PCDH7: variants seen among roughly 807,000 people sequenced by gnomAD.
PCDH7 encodes protocadherin 7.
PCDH7 carries 17 observed loss-of-function variants against 58.9 expected under a neutral mutation model. The observed-to-expected ratio is 0.29, with a 90% confidence interval of 0.20 to 0.43. The LOEUF is 0.43. Among genes scored for constraint, PCDH7 ranks in the 20% least tolerant of loss-of-function variants. The probability of loss-of-function intolerance (pLI) is 1.00; values close to 1 mark genes in which losing one functional copy is unlikely to be tolerated. For missense variants in PCDH7, 1,274 were observed against 1,441.0 expected (o/e 0.88, Z 1.88); for synonymous variants, 664 against 616.4 (o/e 1.08, Z -1.14).
At chr4:30,912,207 A>G (rs1220914237) in intron 1 of PCDH7, among the ~76,000 whole-genome samples, 2 of 152,168 alleles carry the variant, frequency 1.3e-5, no homozygotes, top group African/African-American at 4.8e-5. Flanking sequence ...ACACCCCTAA[A>G]AAGTTTAAAG....
intron 2 of PCDH7, among the ~76,000 whole-genome samples, chr4:30,934,315 G>T (rs1745060738): frequency 6.6e-6 from 1 of 152,128 alleles, no homozygotes; most frequent in Admixed American, 6.6e-5. Context: ...AGAGATCCCT[G>T]TGTGTGTGTT....
At chr4:30,835,682 A>G (rs1015049833) in intron 1 of PCDH7, among the ~76,000 whole-genome samples, 3 of 152,054 alleles carry the variant, frequency 2.0e-5, no homozygotes, top group Admixed American at 6.5e-5. Context: ...TCAGTTGAAA[A>G]CATGTAACTT....
chr4:30,943,699 A>G (rs996502831), intron 2 of PCDH7, among the ~76,000 whole-genome samples: 1 of 151,948 alleles, frequency 6.6e-6, no homozygotes, highest in Non-Finnish European at 1.5e-5. Flanking sequence ...AACTTTCTTA[A>G]AACATTATGA....
At chr4:31,066,329 AT>A (rs1460807701) in intron 3 of PCDH7, among the ~76,000 whole-genome samples, 1 of 151,972 alleles carries the variant, frequency 6.6e-6, no homozygotes, top group African/African-American at 2.4e-5. Flanking sequence ...GAGTCTTATA[AT>A]GTAATAATAA....
intron 1 of PCDH7, among the ~76,000 whole-genome samples, chr4:30,749,388 T>G (rs1487325988): frequency 3.9e-5 from 6 of 152,194 alleles, no homozygotes; most frequent in Admixed American, 2.6e-4. Flanking sequence ...AGTTTTTTTC[T>G]TCGTCATGGT....
intron 3 of PCDH7, among the ~76,000 whole-genome samples, chr4:30,962,738 C>T (rs1331580032): frequency 2.9e-5 from 4 of 137,276 alleles, no homozygotes; most frequent in East Asian, 2.2e-4. Context: ...GCCATGATCA[C>T]GCCACTGCAG....
At position 31,088,035 on chromosome 4, in the gene PCDH7, G is replaced by A. The variant is rs141144872; in HGVS notation, c.*8-54438G>A. Among the ~76,000 whole-genome samples the A allele has an allele frequency of 2.6e-5, 4 of 152,136 alleles. No homozygotes were observed. The East Asian group carries it at 5.8e-4, about 22-fold the overall frequency. ...GGAAACTAAGGCAGGTATTTTAGGTGTAATGCCAAAAATCACTCAGTTAGT... is the reference window on the plus strand; with the variant it reads ...GGAAACTAAGGCAGGTATTTTAGGTATAATGCCAAAAATCACTCAGTTAGT... On this transcript the variant is annotated intron_variant, in intron 3 of 3. Coordinates refer to the PCDH7 transcript ENST00000509759.
intron 3 of PCDH7, among the ~76,000 whole-genome samples, chr4:31,132,009 T>C (rs552291043): frequency 8.9e-4 from 136 of 152,324 alleles, no homozygotes; most frequent in African/African-American, 3.2e-3. Context: ...TGATTCATTT[T>C]AGATTTTCAC....
intron 1 of PCDH7, among the ~76,000 whole-genome samples, chr4:30,816,871 A>T (rs1181767604): frequency 6.6e-6 from 1 of 152,096 alleles, no homozygotes; most frequent in African/African-American, 2.4e-5. Context: ...TTTGGTCTTG[A>T]TATTAAAGGC....
chr4:30,869,365 A>G (rs976091526), intron 1 of PCDH7, among the ~76,000 whole-genome samples: 2 of 152,110 alleles, frequency 1.3e-5, no homozygotes, highest in Non-Finnish European at 2.9e-5. Flanking sequence ...TACACGTGCC[A>G]TGGTGGTTTG....
chr4:31,130,769 C>T (rs1000524297), intron 3 of PCDH7, among the ~76,000 whole-genome samples: 1 of 152,160 alleles, frequency 6.6e-6, no homozygotes, highest in African/African-American at 2.4e-5. Flanking sequence ...ATGACAAGTG[C>T]AGTCTTTCTC....
intron 2 of PCDH7, among the ~76,000 whole-genome samples, chr4:30,927,344 G>C (rs922415490): frequency 1.3e-5 from 2 of 152,008 alleles, no homozygotes; most frequent in Admixed American, 1.3e-4. Flanking sequence ...CCACCACCCC[G>C]TCTGGGAGGT....
intron 1 of PCDH7, among the ~76,000 whole-genome samples, chr4:30,730,557 A>G (rs1011914595): frequency 1.3e-5 from 2 of 152,208 alleles, no homozygotes; most frequent in African/African-American, 2.4e-5. Context: ...TAAAGCTCCC[A>G]GGTAGGATTC....
intron 3 of PCDH7, among the ~76,000 whole-genome samples, chr4:31,058,857 T>C (rs1404545993): frequency 6.6e-6 from 1 of 151,898 alleles, no homozygotes; most frequent in Non-Finnish European, 1.5e-5. Flanking sequence ...TAGAGCCAAA[T>C]AGAAGAATTA....
chr4:31,034,961 C>T (rs1385398127), intron 3 of PCDH7, among the ~76,000 whole-genome samples: 2 of 152,244 alleles, frequency 1.3e-5, no homozygotes, highest in East Asian at 3.9e-4. Flanking sequence ...TTAATTGCAC[C>T]CTTGTGATGT....
intron 3 of PCDH7, among the ~76,000 whole-genome samples, chr4:31,084,190 GCTGA>G (rs149831722): frequency 0.026 from 3,906 of 152,136 alleles, 177 homozygotes; most frequent in African/African-American, 0.089. Context: ...ATAAATCTGA[GCTGA>G]CTATTTTATG....
chr4:30,764,717 G>C (rs1560345513), intron 1 of PCDH7, among the ~76,000 whole-genome samples: 1 of 151,456 alleles, frequency 6.6e-6, no homozygotes, highest in Non-Finnish European at 1.5e-5. Flanking sequence ...GTGTTTGTTT[G>C]TTTGTTTGTT....
In PCDH7 at chr4:31,042,876, G is replaced by A. The variant is rs935695171; in HGVS notation, c.*7+92661G>A. On this transcript the variant is annotated intron_variant, in intron 3 of 3. Coordinates refer to the PCDH7 transcript ENST00000509759. ...AAAGAAAAGAAACATATTTATTATC[G>A]TTCTAGGGGCTGGAAAGTCAGAGGT... is the stretch of plus-strand genomic sequence containing the variant. Among the ~76,000 whole-genome samples the A allele has an allele frequency of 7.9e-5, 12 of 152,130 alleles. No individual in the cohort carries two copies. The East Asian group carries it at 1.9e-3, about 24-fold the overall frequency.
At chr4:31,098,649 C>A (rs1198125582) in intron 3 of PCDH7, among the ~76,000 whole-genome samples, 2 of 152,072 alleles carry the variant, frequency 1.3e-5, no homozygotes, top group African/African-American at 2.4e-5. Context: ...TATAAACACA[C>A]AATATAAATG....
Sources: allele counts gnomAD v4.1 joint callset (sites outside exome capture counted in the v4.1 genomes callset), GRCh38; gene constraint gnomAD v4.1.1; transcripts MANE v1.5; gene names NCBI Gene and HGNC (gene_info 2026-07-23, HGNC 2026-07-21).